Variants in TENM3 observed in about 807,000 individuals in gnomAD.
TENM3 encodes the protein teneurin-3.
A neutral mutation model predicts 255.1 loss-of-function variants in TENM3; 63 were observed. The ratio of observed to expected loss-of-function variants is 0.25; its 90% CI spans 0.20 to 0.30. The LOEUF (loss-of-function observed/expected upper bound fraction) is 0.30. Among genes scored for constraint, TENM3 ranks in the 10% least tolerant of loss-of-function variants. The pLI is 1.00. For synonymous variants in TENM3, 1,306 were observed against 1,322.3 expected, an observed-to-expected ratio of 0.99 and a Z score of 0.27; for missense variants, 2,929 against 3,461.1, an observed-to-expected ratio of 0.85 and a Z score of 3.86.
the TENM3 span, among the ~76,000 whole-genome samples, chr4:181,618,647 G>A: frequency 2.0e-5 from 3 of 152,186 alleles, no homozygotes; most frequent in East Asian, 5.8e-4. Context: ...CATTGCAAAG[G>A]GAAAGCCTAA....
chr4:181,869,164 C>A, the TENM3 span, among the ~76,000 whole-genome samples: 4 of 152,084 alleles, frequency 2.6e-5, no homozygotes, highest in Non-Finnish European at 4.4e-5. Context: ...TATTAATCTG[C>A]AAATCACAGT....
chr4:181,741,927 C>T, the TENM3 span, among the ~76,000 whole-genome samples: 1 of 152,160 alleles, frequency 6.6e-6, no homozygotes, highest in African/African-American at 2.4e-5. Flanking sequence ...TCTAGCTACA[C>T]ATAATATCAT....
At chr4:182,096,201 G>C in the TENM3 span, among the ~76,000 whole-genome samples, 1 of 151,962 alleles carries the variant, frequency 6.6e-6, no homozygotes, top group East Asian at 1.9e-4. Context: ...ATCAATCACT[G>C]CAAGGGTCAT....
chr4:181,606,199 G>A, the TENM3 span, among the ~76,000 whole-genome samples: 49 of 152,222 alleles, frequency 3.2e-4, no homozygotes, highest in African/African-American at 5.3e-4. Context: ...AGCAGACATC[G>A]TGTTTCCGGT....
intron 1 of TENM3, among the ~76,000 whole-genome samples, chr4:182,165,001 T>C (rs933317055): frequency 3.3e-5 from 5 of 152,168 alleles, no homozygotes; most frequent in African/African-American, 1.2e-4. Flanking sequence ...ACCAGGGAGC[T>C]TGCAGAGAAC....
chr4:182,494,241 G>A (rs1580736263), intron 3 of TENM3, among the ~76,000 whole-genome samples: 2 of 152,246 alleles, frequency 1.3e-5, no homozygotes, highest in African/African-American at 4.8e-5. Context: ...AATATTACTA[G>A]GGACCAGATG....
Position 182,754,773 on chromosome 4 carries a change from C to T in TENM3, c.4406C>T (p.Ala1469Val), listed in dbSNP as rs201885125. Residue 1469 changes from alanine (A) to valine (V), a missense_variant, in exon 22 of 28, where the codon GCC becomes GTC. This residue lies in a region of TENM3 where 1,608 missense variants were observed against 1,884.4 expected (regional missense o/e 0.85). Transcript: ENST00000511685. This position sits in a 1 kb window ranked among gnomAD's most constrained non-coding sequence, Gnocchi z 5.1. ...AGTGGAGATGGCTACGCCAAGGATG[C>T]CAAACTCAGTGCCCCATCCTCCCTG... ...YQSGDGYAKD[A>V]KLSAPSSLAA... is the part of the protein sequence containing the mutation. 2.2e-4 allele frequency: 363 copies of T among 1,613,934 alleles called. No homozygotes were observed. Among genetic ancestry groups the T allele is most frequent in the Non-Finnish European group, 2.9e-4 (345 of 1,179,908 alleles).
At chr4:181,808,943 G>A in the TENM3 span, among the ~76,000 whole-genome samples, 12 of 152,162 alleles carry the variant, frequency 7.9e-5, no homozygotes, top group Non-Finnish European at 2.9e-5. Flanking sequence ...GGACAAGGAA[G>A]TTCCTATTAG....
chr4:182,743,620 A>T lies in TENM3; in HGVS notation c.3629+201A>T, dbSNP rs1047031640. The stretch of plus-strand genomic sequence containing the variant: ...TTGTCCCATAAGTGTATTAAAGAGC[A>T]TAAAGTCACCCAATATATCAAATAT... On this transcript the variant is annotated intron_variant, in intron 19 of 27. Coordinates refer to ENST00000511685, the MANE Select transcript of TENM3 (RefSeq NM_001080477.4). 2.0e-5 allele frequency among the ~76,000 whole-genome samples: 3 copies of T among 152,364 alleles called. No homozygotes were observed. In the South Asian group the frequency reaches 6.2e-4, roughly 32 times the overall value.
At chr4:181,494,039 G>T in the TENM3 span, among the ~76,000 whole-genome samples, 1 of 152,104 alleles carries the variant, frequency 6.6e-6, no homozygotes, top group Non-Finnish European at 1.5e-5. Flanking sequence ...AGCCCTGTGA[G>T]GTGCATATGT....
At chr4:181,699,692 C>G in the TENM3 span, among the ~76,000 whole-genome samples, 3 of 152,074 alleles carry the variant, frequency 2.0e-5, no homozygotes, top group African/African-American at 7.2e-5. Flanking sequence ...TTACAGTCAT[C>G]TCATGTAGAT....
rs1761100869 is a variant in TENM3, at chr4:182,291,207, G to A, written c.-75-32739G>A. On this transcript the variant is annotated intron_variant, in intron 1 of 27. Coordinates refer to ENST00000511685, the MANE Select transcript of TENM3 (RefSeq NM_001080477.4). ...GGATCCCTGTGCTGATCCAAGGAGT[G>A]TGCCCCGAGCTGGCTGGTCTCCGGC... Among the ~76,000 whole-genome samples the A allele has an allele frequency of 3.9e-5, 6 of 152,166 alleles. 1 individual carries two copies. The highest frequency in any genetic ancestry group is 3.9e-4 in the Admixed American group (6 of 15,274).
intron 3 of TENM3, among the ~76,000 whole-genome samples, chr4:182,561,146 A>G (rs1743126242): frequency 6.6e-6 from 1 of 152,140 alleles, no homozygotes; most frequent in East Asian, 1.9e-4. Context: ...TTAATAATTG[A>G]AAAAAAGACA....
chr4:182,776,273 G>T (rs1246550871), intron 24 of TENM3, among the ~76,000 whole-genome samples: 1 of 152,122 alleles, frequency 6.6e-6, no homozygotes, highest in South Asian at 2.1e-4. Context: ...TCAGCCAGGC[G>T]TGGAGGTGGG....
At chr4:181,487,885 G>A in the TENM3 span, among the ~76,000 whole-genome samples, 1 of 152,120 alleles carries the variant, frequency 6.6e-6, no homozygotes, top group Non-Finnish European at 1.5e-5. Flanking sequence ...CTGCCTCTGG[G>A]CAACAATATA....
chr4:182,557,152 T>C lies in TENM3; in HGVS notation c.512-43772T>C, dbSNP rs1560919188. 2.0e-5 allele frequency among the ~76,000 whole-genome samples: 3 copies of C among 152,318 alleles called. No individual in the cohort carries two copies. In the South Asian group the frequency reaches 6.2e-4, roughly 32 times the overall value. On this transcript the variant is annotated intron_variant, in intron 3 of 27. Transcript: ENST00000511685. ...TATAAAATCTCATGTAAAATCAAAATTAAATGACTTTTTCTATTCAACATT... is the reference window on the plus strand; with the variant it reads ...TATAAAATCTCATGTAAAATCAAAACTAAATGACTTTTTCTATTCAACATT...
At chr4:182,790,147 T>C (rs1765984828) in intron 25 of TENM3, among the ~76,000 whole-genome samples, 1 of 152,122 alleles carries the variant, frequency 6.6e-6, no homozygotes, top group Non-Finnish European at 1.5e-5. Context: ...GAAAAGCATA[T>C]TCATGGAATG....
the TENM3 span, among the ~76,000 whole-genome samples, chr4:182,109,698 C>T: frequency 6.6e-6 from 1 of 152,212 alleles, no homozygotes; most frequent in East Asian, 1.9e-4. Flanking sequence ...CCGAATTTCA[C>T]TTTCTCCCAT....
chr4:182,381,676 C>T (rs912015800), intron 3 of TENM3, among the ~76,000 whole-genome samples: 4 of 152,002 alleles, frequency 2.6e-5, no homozygotes, highest in Admixed American at 1.3e-4. Context: ...ATTCTCCTGC[C>T]TCAGCCTCCC....
Sources: gnomAD v4.1 joint callset for allele counts (sites outside exome capture counted in the v4.1 genomes callset) on GRCh38, gnomAD v4.1.1 for gene constraint, gnomAD v4.1.1 regional missense constraint, Gnocchi (gnomAD v3.1) non-coding constraint, MANE v1.5 for transcripts, NCBI Gene and HGNC (gene_info 2026-07-23, HGNC 2026-07-21) for gene names.